The following SRCAP variants were observed in gnomAD, a reference collection of about 807,000 sequenced individuals.
SRCAP encodes the protein Snf2 related CREBBP activator protein.
Under a neutral mutation model 263.1 loss-of-function variants are expected in SRCAP, and 46 were observed. The ratio of observed to expected loss-of-function variants is 0.17; its 90% CI spans 0.14 to 0.22. The LOEUF (loss-of-function observed/expected upper bound fraction) is 0.22. Among genes scored for constraint, SRCAP ranks in the 10% least tolerant of loss-of-function variants. The probability of loss-of-function intolerance (pLI) is 1.00; values close to 1 mark genes in which losing one functional copy is unlikely to be tolerated. For missense variants in SRCAP, 3,695 were observed against 4,181.9 expected (o/e 0.88, Z 3.21); for synonymous variants, 1,813 against 1,662.1 (o/e 1.09, Z -2.21).
intron 16 of SRCAP, among the ~76,000 whole-genome samples, chr16:30,714,064 ATT>A (rs528435570): frequency 2.0e-4 from 25 of 123,070 alleles, no homozygotes; most frequent in Middle Eastern, 4.3e-3. Context: ...AGCCTGGCTA[ATT>A]TTTTTTTTTT....
At chr16:30,707,144 T>TTA (rs2052836693) in intron 4 of SRCAP, 39 bp from the exon 5 acceptor site, 1 of 1,602,872 alleles carries the variant, frequency 6.2e-7, no homozygotes, top group Admixed American at 1.7e-5. Flanking sequence ...ATGGAGTGTG[T>TTA]GTTTAGAACT....
rs770456283 is a variant in SRCAP at position 30,739,145 on chromosome 16, C to T, written c.9105C>T (p.Ser3035=). The stretch of plus-strand genomic sequence containing the variant: ...GTGACAGCACTTCTGTTCTCGAGAG[C>T]TGTGGATTGGGGAGGCGACGGCAAC... ...LDRDSTSVLE[S]CGLGRRRQPQ... is the part of the protein sequence containing the mutation. The change falls in exon 34 of 34, where the codon AGC becomes AGT. Residue 3035 remains serine, a synonymous_variant. Transcript: ENST00000262518. 2 of 1,614,144 alleles carry T rather than the reference C, an allele frequency of 1.2e-6. No individual in the cohort carries two copies. Among genetic ancestry groups the T allele is most frequent in the Non-Finnish European group, 1.7e-6 (2 of 1,180,016 alleles).
At chr16:30,714,819 GT>G (rs964330807) in intron 16 of SRCAP, among the ~76,000 whole-genome samples, 2 of 151,120 alleles carry the variant, frequency 1.3e-5, no homozygotes, top group African/African-American at 4.9e-5. Flanking sequence ...TTTGTTTTTT[GT>G]TTTTTTTTAA....
intron 15 of SRCAP, 35 bp from the exon 16 acceptor site, chr16:30,713,484 C>T (rs752551041): frequency 6.2e-7 from 1 of 1,612,194 alleles, no homozygotes; most frequent in African/African-American, 1.3e-5. Flanking sequence ...AGCTTGCTGA[C>T]CATACTCTCT....
intron 27 of SRCAP, among the ~76,000 whole-genome samples, chr16:30,730,432 C>G (rs1015832143): frequency 6.6e-6 from 1 of 151,950 alleles, no homozygotes; most frequent in Non-Finnish European, 1.5e-5. Context: ...TTTCTTCCTT[C>G]TTTCTTTCTT....
At chr16:30,734,733 C>T (rs1292438241) in intron 31 of SRCAP, 118 bp downstream of exon 31, 7 of 1,464,974 alleles carry the variant, frequency 4.8e-6, no homozygotes, top group African/African-American at 2.8e-5. Flanking sequence ...TCCCAGATTA[C>T]AGTCAGCCTT....
chr16:30,725,695 A>G (rs145356337), intron 25 of SRCAP: 348 of 152,480 alleles, frequency 2.3e-3, no homozygotes, highest in Non-Finnish European at 3.3e-3. Context: ...CTGCAAGTAG[A>G]TAATAGCCTC....
In SRCAP at chr16:30,710,865, T is replaced by G; in HGVS notation, c.1228+18T>G. On this transcript the variant is annotated intron_variant, in intron 9 of 33. Transcript: ENST00000262518. ...AGAGGAAGGTCAGGGCTGTTCGGTT[T>G]GTCCTATTGCCCCTTACCCCTTGAA... is the stretch of plus-strand genomic sequence containing the variant. The G allele has an allele frequency of 6.2e-7, 1 of 1,613,308 alleles. No homozygotes were observed. The highest frequency in any genetic ancestry group is 8.5e-7 in the Non-Finnish European group (1 of 1,179,260).
intron 3 of SRCAP, among the ~76,000 whole-genome samples, chr16:30,701,918 C>T (rs1425339318): frequency 1.3e-5 from 2 of 151,272 alleles, no homozygotes; most frequent in African/African-American, 2.4e-5. Context: ...AGGTGTGAGC[C>T]CCCAGGCCTG....
At chr16:30,715,582 A>G (rs2052939993) in intron 16 of SRCAP, among the ~76,000 whole-genome samples, 1 of 151,426 alleles carries the variant, frequency 6.6e-6, no homozygotes, top group Admixed American at 6.6e-5. Flanking sequence ...AAAAAAAAAG[A>G]AAACAGGAAG....
At position 30,723,996 on chromosome 16, in the gene SRCAP, T is replaced by C. The variant is rs777916943; in HGVS notation, c.4572T>C (p.Pro1524=). The change falls in exon 25 of 34, where the codon CCT becomes CCC. Residue 1524 remains proline (P), a synonymous_variant. Coordinates refer to ENST00000262518, the MANE Select transcript of SRCAP (RefSeq NM_006662.3). ...SLSSSQTPGH[P]LLLAPTSSHV... ...CTTCATCTCAGACACCTGGTCACCC[T>C]CTGTTGTTGGCTCCCACCTCTTCAC... 9 of 1,613,986 alleles carry C rather than the reference T, an allele frequency of 5.6e-6. No homozygotes were observed. Among genetic ancestry groups the C allele is most frequent in the East Asian group, 2.2e-5 (1 of 44,898 alleles).
At chr16:30,725,423 G>A (rs1325979547) in intron 25 of SRCAP, 7 of 273,048 alleles carry the variant, frequency 2.6e-5, no homozygotes, top group Non-Finnish European at 2.1e-5. Context: ...CCTGTACTAT[G>A]TATATAGGCC....
At chr16:30,708,946 G>GTAGC (rs1442824171) in intron 6 of SRCAP, among the ~76,000 whole-genome samples, 1 of 152,162 alleles carries the variant, frequency 6.6e-6, no homozygotes, top group East Asian at 1.9e-4. Flanking sequence ...TGCCTCCGGA[G>GTAGC]TAGCTGAGTT....
rs574752032 is a variant in SRCAP, at chr16:30,736,521, A to T, written c.6925-20A>T. The T allele has an allele frequency of 6.2e-7, 1 of 1,613,794 alleles. No individual in the cohort carries two copies. Among genetic ancestry groups the T allele is most frequent in the African/African-American group, 1.3e-5 (1 of 74,958 alleles). On this transcript the variant is annotated intron_variant, in intron 32 of 33. Transcript: ENST00000262518. ...TGGGTACCAGGTTCCTAAGTTTATC[A>T]CCACCGCTCCTCCTTGCAGCTGACC...
At chr16:30,711,163 A>G (rs1322795117) in intron 10 of SRCAP, 75 bp downstream of exon 10, 2 of 1,164,384 alleles carry the variant, frequency 1.7e-6, no homozygotes, top group East Asian at 2.5e-5. Flanking sequence ...AAAGAGATGA[A>G]TAAGGCACTT....
rs777156007 is a variant in SRCAP at position 30,707,353 on chromosome 16, G to T, written c.477G>T (p.Arg159=). 1 of 1,614,100 alleles carries T rather than the reference G, an allele frequency of 6.2e-7. No individual in the cohort carries two copies. The highest frequency in any genetic ancestry group is 1.1e-5 in the South Asian group (1 of 91,084). Residue 159 remains arginine (R), a synonymous_variant, in exon 5 of 34, where the codon CGG becomes CGT. Transcript: ENST00000262518. ...TTGCTCAGGAGCGCCGTTGGAAACG[G>T]GGTGTGGCCCGGAAGGTAGGTCTTC... ...ADFAQERRWK[R]GVARKVVRMV...
intron 31 of SRCAP, among the ~76,000 whole-genome samples, chr16:30,734,857 TAAGAC>T (rs888343891): frequency 1.3e-5 from 2 of 152,212 alleles, no homozygotes; most frequent in African/African-American, 2.4e-5. Context: ...TTAATTGTGT[TAAGAC>T]AAGTTACAAT....
At chr16:30,725,348 TAATA>T in intron 25 of SRCAP, 2 of 492,084 alleles carry the variant, frequency 4.1e-6, no homozygotes, top group Non-Finnish European at 6.9e-6. Flanking sequence ...ACCCGCACGG[TAATA>T]AATGGGCAGT....
In SRCAP at chr16:30,733,788, C is replaced by A; in HGVS notation, c.6484C>A (p.His2162Asn). 1 of 1,613,452 alleles carries A rather than the reference C, an allele frequency of 6.2e-7. No individual in the cohort carries two copies. Among genetic ancestry groups the A allele is most frequent in the Non-Finnish European group, 8.5e-7 (1 of 1,179,596 alleles). The change falls in exon 29 of 34, where the codon CAC (histidine) becomes AAC (asparagine). Residue 2162 changes from histidine (H) to asparagine (N), a missense_variant. This residue lies in a region of SRCAP where 138 missense variants were observed against 254.9 expected (regional missense o/e 0.54). Coordinates refer to ENST00000262518, the MANE Select transcript of SRCAP (RefSeq NM_006662.3). The surrounding 1 kb of genome is among the most constrained non-coding windows in gnomAD (Gnocchi z 5.3). ...CCGAATTGGCCAGACCCGGGATGTC[C>A]ACATATATAGGTATTGCCTAGTCTT... ...CHRIGQTRDVHIYRLISERTV... is the reference protein window; with the variant it reads ...CHRIGQTRDVNIYRLISERTV...
Sources: gnomAD v4.1 joint callset for allele counts (sites outside exome capture counted in the v4.1 genomes callset) on GRCh38, gnomAD v4.1.1 for gene constraint, gnomAD v4.1.1 regional missense constraint, Gnocchi (gnomAD v3.1) non-coding constraint, MANE v1.5 for transcripts, NCBI Gene and HGNC (gene_info 2026-07-23, HGNC 2026-07-21) for gene names.